Variants in AGPAT3 observed in about 807,000 individuals in gnomAD.
The protein encoded by AGPAT3 is 1-acyl-sn-glycerol-3-phosphate acyltransferase gamma.
A neutral mutation model predicts 47.3 loss-of-function variants in AGPAT3; 5 were observed. The observed-to-expected ratio is 0.11, with a 90% CI of 0.06 to 0.22. The LOEUF (loss-of-function observed/expected upper bound fraction) is 0.22. Among genes scored for constraint, AGPAT3 ranks in the 10% least tolerant of loss-of-function variants. The pLI is 1.00. For synonymous variants in AGPAT3, 212 were observed against 208.3 expected (o/e 1.02, Z -0.15); for missense variants, 315 against 493.0 (o/e 0.64, Z 3.42).
rs1403540986 is a variant in AGPAT3 at position 43,986,329 on chromosome 21, C to T, written c.*3937C>T. The T allele has an allele frequency of 2.6e-5, 4 of 152,344 alleles. No homozygotes were observed. Among genetic ancestry groups the T allele is most frequent in the Non-Finnish European group, 5.9e-5 (4 of 68,040 alleles). The allele number at this position is 152,344 out of a possible 1,614,324, so 9.4% of individuals were successfully genotyped here. A position where few individuals can be genotyped will look rare whatever the true frequency, so the allele number is the denominator to read the frequency against. Reference sequence around the variant, plus strand: ...GAAGTTACCAGGGACATTGGTGTCGCCGGCCCAGGCAACAGCAGCGTACGC... The same window carrying T: ...GAAGTTACCAGGGACATTGGTGTCGTCGGCCCAGGCAACAGCAGCGTACGC... On this transcript the variant is annotated 3_prime_UTR_variant, in exon 10 of 10. Coordinates refer to ENST00000291572, the MANE Select transcript of AGPAT3 (RefSeq NM_020132.5).
rs570047298 is a variant in AGPAT3, at chr21:43,938,106, A to T, written c.-48-21528A>T. ...CACTTTCTCTCTCTCTCTCTCTCTC[A>T]CACACACACAGACACACACACACAC... On this transcript the variant is annotated intron_variant, in intron 2 of 9. Coordinates refer to ENST00000291572, the MANE Select transcript of AGPAT3 (RefSeq NM_020132.5). 5.4e-3 allele frequency among the ~76,000 whole-genome samples: 743 copies of T among 137,714 alleles called. 6 individuals carry two copies. Among genetic ancestry groups the T allele is most frequent in the Non-Finnish European group, 8.0e-3 (496 of 61,836 alleles). The allele number at this position is 137,714 out of a possible 152,430, so 90.3% of individuals were successfully genotyped here. A position where few individuals can be genotyped will look rare whatever the true frequency, so the allele number is the denominator to read the frequency against.
intron 2 of AGPAT3, among the ~76,000 whole-genome samples, chr21:43,927,366 T>G (rs1326883832): frequency 6.6e-6 from 1 of 152,204 alleles, no homozygotes; most frequent in African/African-American, 2.4e-5. Flanking sequence ...CTTGAAATGT[T>G]CTATTGCAGC....
In AGPAT3 at chr21:43,982,187, G is replaced by A. The variant is rs1157933463; in HGVS notation, c.1043-117G>A. On this transcript the variant is annotated intron_variant, in intron 9 of 9. Transcript: ENST00000291572. The surrounding 1 kb of genome is among the most constrained non-coding windows in gnomAD (Gnocchi z 6.2). ...TACTCACTGACAGCAGAGGCCACTG[G>A]GTGCGGGGCAGAGGGACAGGGTCTG... The A allele has an allele frequency of 1.2e-5, 9 of 729,686 alleles. No homozygotes were observed. The highest frequency in any genetic ancestry group is 1.9e-5 in the Non-Finnish European group (8 of 431,100). The allele number at this position is 729,686 out of a possible 1,614,324, so 45.2% of individuals were successfully genotyped here. A position where few individuals can be genotyped will look rare whatever the true frequency, so the allele number is the denominator to read the frequency against.
intron 4 of AGPAT3, among the ~76,000 whole-genome samples, chr21:43,968,419 G>T (rs2089245174): frequency 6.6e-6 from 1 of 151,380 alleles, no homozygotes; most frequent in Non-Finnish European, 1.5e-5. Context: ...GAGTAGGCGG[G>T]TGCTGGGGTG....
chr21:43,928,246 C>T (rs889855361), intron 2 of AGPAT3, among the ~76,000 whole-genome samples: 1 of 152,338 alleles, frequency 6.6e-6, no homozygotes, highest in South Asian at 2.1e-4. Flanking sequence ...CCCTCTTCTC[C>T]GGGGCCTGCA....
Position 43,959,635 on chromosome 21 carries a change from A to T in AGPAT3, c.-47A>T. The stretch of plus-strand genomic sequence containing the variant: ...CTGTCCCTGTCCCTGTCTTTGCAGG[A>T]CGGCTGTCCTCAGCGAGGGGCCGTG... On this transcript the variant is annotated splice_region_variant and 5_prime_UTR_variant, in exon 3 of 10. Coordinates refer to ENST00000291572, the MANE Select transcript of AGPAT3 (RefSeq NM_020132.5). The T allele has an allele frequency of 1.9e-6, 3 of 1,605,106 alleles. No homozygotes were observed. Among genetic ancestry groups the T allele is most frequent in the Non-Finnish European group, 2.5e-6 (3 of 1,179,582 alleles).
intron 1 of AGPAT3, among the ~76,000 whole-genome samples, chr21:43,879,475 C>T (rs1350175695): frequency 2.7e-5 from 4 of 150,820 alleles, no homozygotes; most frequent in African/African-American, 4.9e-5. Context: ...AAAGGGACCG[C>T]GGGTGTCTGG....
chr21:43,959,156 CGT>C lies in AGPAT3; in HGVS notation c.-48-472_-48-471del, dbSNP rs377089811. On this transcript the variant is annotated intron_variant, in intron 2 of 9. Transcript: ENST00000291572. ...TGTTTGGTTTGCGGTATGTGTGTGG[CGT>C]GTGTGGTGTGTGTGGTTTGCAGTGT... 3.5e-3 allele frequency among the ~76,000 whole-genome samples: 258 copies of C among 74,362 alleles called. 2 individuals are homozygous for C. The highest frequency in any genetic ancestry group is 0.015 in the African/African-American group (249 of 16,660). The allele number at this position is 74,362 out of a possible 152,430, so 48.8% of individuals were successfully genotyped here. A position where few individuals can be genotyped will look rare whatever the true frequency, so the allele number is the denominator to read the frequency against.
intron 2 of AGPAT3, among the ~76,000 whole-genome samples, chr21:43,912,990 G>T (rs2086658841): frequency 6.6e-6 from 1 of 152,230 alleles, no homozygotes; most frequent in Admixed American, 6.5e-5. Flanking sequence ...TCTCCTCGGA[G>T]AGGCAGACAT....
intron 1 of AGPAT3, among the ~76,000 whole-genome samples, chr21:43,875,943 C>CTTTTTCT (rs1336141545): frequency 6.6e-6 from 1 of 151,902 alleles, no homozygotes; most frequent in African/African-American, 2.4e-5. Context: ...TATTGTTGTT[C>CTTTTTCT]TTTTTCTTTT....
chr21:43,941,401 A>T (rs755221512), intron 2 of AGPAT3, among the ~76,000 whole-genome samples: 2 of 152,110 alleles, frequency 1.3e-5, no homozygotes, highest in Non-Finnish European at 2.9e-5. Context: ...GATCAATACT[A>T]TTTACAAAGA....
chr21:43,986,385 T>C lies in AGPAT3; in HGVS notation c.*3993T>C, dbSNP rs567123688. 1 of 152,658 alleles carries C rather than the reference T, an allele frequency of 6.6e-6. No individual in the cohort carries two copies. The highest frequency in any genetic ancestry group is 2.1e-4 in the South Asian group (1 of 4,820). 9.5% of individuals were successfully genotyped at this position (152,658 alleles called of 1,614,324 possible). On this transcript the variant is annotated 3_prime_UTR_variant, in exon 10 of 10. Transcript: ENST00000291572. The stretch of plus-strand genomic sequence containing the variant: ...AAAGATCATTGAGTTGTCTTAGAAT[T>C]TGAAGCTGTGTAATGACAATGTCAC...
At chr21:43,868,549 T>A (rs1020647320) in intron 1 of AGPAT3, among the ~76,000 whole-genome samples, 1 of 152,116 alleles carries the variant, frequency 6.6e-6, no homozygotes, top group Non-Finnish European at 1.5e-5. Flanking sequence ...ATGAAATGCA[T>A]AATAAATAAC....
intron 2 of AGPAT3, among the ~76,000 whole-genome samples, chr21:43,924,059 C>T (rs544341566): frequency 3.0e-4 from 45 of 152,278 alleles, no homozygotes; most frequent in African/African-American, 9.9e-4. Flanking sequence ...CTCTGTTGCC[C>T]AGGCTGGAGT....
At chr21:43,917,044 A>G (rs555437556) in intron 2 of AGPAT3, among the ~76,000 whole-genome samples, 2 of 152,092 alleles carry the variant, frequency 1.3e-5, no homozygotes, top group Non-Finnish European at 2.9e-5. Flanking sequence ...CTCCTGTCCC[A>G]GAGCCAAGCT....
chr21:43,936,072 C>G (rs1333278584), intron 2 of AGPAT3, among the ~76,000 whole-genome samples: 2 of 152,258 alleles, frequency 1.3e-5, no homozygotes. Flanking sequence ...GCCCCCACAC[C>G]TGCAGCTCGG....
intron 2 of AGPAT3, among the ~76,000 whole-genome samples, chr21:43,925,848 G>A (rs184334714): frequency 6.6e-5 from 10 of 152,346 alleles, no homozygotes; most frequent in Admixed American, 1.3e-4. Flanking sequence ...CACCTTCTCC[G>A]TCAGGGCAGG....
At chr21:43,951,762 C>T (rs543541039) in intron 2 of AGPAT3, among the ~76,000 whole-genome samples, 4 of 152,324 alleles carry the variant, frequency 2.6e-5, no homozygotes, top group East Asian at 3.9e-4. Context: ...ACGAAGTTGC[C>T]GTCCTATGTG....
In AGPAT3 at chr21:43,968,260, G is replaced by A. The variant is rs1247410111; in HGVS notation, c.348+145G>A. 7.1e-6 allele frequency: 7 copies of A among 981,676 alleles called. No individual in the cohort carries two copies. In the South Asian group the frequency reaches 9.8e-5, roughly 14 times the overall value. 60.8% of individuals were successfully genotyped at this position (981,676 alleles called of 1,614,324 possible). On this transcript the variant is annotated intron_variant, in intron 4 of 9. Coordinates refer to ENST00000291572, the MANE Select transcript of AGPAT3 (RefSeq NM_020132.5). ...GGTGGTGACTGGGAGTGAGCTGGGC[G>A]GGGTCCCAGGAGGGCTGGGGATGAG... is the stretch of plus-strand genomic sequence containing the variant.
Sources: gnomAD v4.1 joint callset for allele counts (sites outside exome capture counted in the v4.1 genomes callset) on GRCh38, gnomAD v4.1.1 for gene constraint, Gnocchi (gnomAD v3.1) non-coding constraint, MANE v1.5 for transcripts, NCBI Gene and HGNC (gene_info 2026-07-23, HGNC 2026-07-21) for gene names.